FHIP2A: variants seen among roughly 807,000 people sequenced by gnomAD.
The protein encoded by FHIP2A is FHF complex subunit HOOK interacting protein 2A, also known as family with sequence similarity 160 member B1.
Under a neutral mutation model 93.5 loss-of-function variants are expected in FHIP2A, and 46 were observed. That is an observed-to-expected ratio of 0.49 (90% CI 0.39 to 0.63). The LOEUF (loss-of-function observed/expected upper bound fraction) is 0.63, where lower values mean the gene tolerates loss of function less well. FHIP2A is among the 20% of genes least tolerant of loss of function. The pLI is 0.00. For missense variants in FHIP2A, 769 were observed against 909.7 expected (o/e 0.85, Z 1.99); for synonymous variants, 332 against 326.5 (o/e 1.02, Z -0.18).
chr10:114,870,816 C>T (rs1411306507), intron 16 of FHIP2A, among the ~76,000 whole-genome samples: 1 of 152,112 alleles, frequency 6.6e-6, no homozygotes, highest in Non-Finnish European at 1.5e-5. Flanking sequence ...ATCCACTCCT[C>T]TATGTACTGC....
At chr10:114,889,766 G>T (rs181147606) in intron 16 of FHIP2A, among the ~76,000 whole-genome samples, 1 of 152,202 alleles carries the variant, frequency 6.6e-6, no homozygotes, top group Admixed American at 6.5e-5. Flanking sequence ...GCTGAAGGGC[G>T]TGTCCTTTGG....
At chr10:114,858,709 C>G (rs559713907) in intron 14 of FHIP2A, among the ~76,000 whole-genome samples, 30 of 151,214 alleles carry the variant, frequency 2.0e-4, no homozygotes, top group Middle Eastern at 3.4e-3. Flanking sequence ...GAAGGCTATT[C>G]TGTTGCAAAT....
At position 114,846,824 on chromosome 10, in the gene FHIP2A, C is replaced by A. The variant is rs373662864; in HGVS notation, c.1568+96C>A. On this transcript the variant is annotated intron_variant, in intron 11 of 16. Transcript: ENST00000369248. ...ACCTCCCTTATCCTCAAAAGAAATA[C>A]CTCTTACAGTTTAAAAGTTCTTAAA... The A allele has an allele frequency of 6.8e-5, 79 of 1,165,604 alleles. No homozygotes were observed. The East Asian group carries it at 1.4e-3, about 21-fold the overall frequency. The allele number at this position is 1,165,604 out of a possible 1,614,324, so 72.2% of individuals were successfully genotyped here. A position where few individuals can be genotyped will look rare whatever the true frequency, so the allele number is the denominator to read the frequency against.
chr10:114,895,315 T>C (rs1476145654), intron 16 of FHIP2A, among the ~76,000 whole-genome samples: 1 of 152,242 alleles, frequency 6.6e-6, no homozygotes, highest in Non-Finnish European at 1.5e-5. Flanking sequence ...CAGAGAGTAC[T>C]GGTCCATAGA....
At chr10:114,825,414 T>C (rs1393738281) in intron 1 of FHIP2A, among the ~76,000 whole-genome samples, 3 of 152,224 alleles carry the variant, frequency 2.0e-5, no homozygotes, top group Non-Finnish European at 2.9e-5. Context: ...TAATGGTTTC[T>C]CCTCACTCCC....
chr10:114,886,673 T>C (rs2143015669), intron 16 of FHIP2A, among the ~76,000 whole-genome samples: 1 of 152,288 alleles, frequency 6.6e-6, no homozygotes, highest in East Asian at 1.9e-4. Flanking sequence ...GCCTCCCAAG[T>C]AGTTGGGATT....
intron 16 of FHIP2A, among the ~76,000 whole-genome samples, chr10:114,875,330 G>A (rs1434242082): frequency 6.6e-6 from 1 of 152,118 alleles, no homozygotes; most frequent in Non-Finnish European, 1.5e-5. Context: ...GATCTGTGAG[G>A]GAGGAGAAAA....
chr10:114,829,661 C>T (rs960700502), intron 1 of FHIP2A, among the ~76,000 whole-genome samples: 1 of 152,156 alleles, frequency 6.6e-6, no homozygotes, highest in Non-Finnish European at 1.5e-5. Flanking sequence ...GAATGCCTAA[C>T]CTCCTGGGAA....
chr10:114,890,184 C>T (rs1450703736), intron 16 of FHIP2A, among the ~76,000 whole-genome samples: 3 of 152,034 alleles, frequency 2.0e-5, no homozygotes, highest in Non-Finnish European at 2.9e-5. Flanking sequence ...CCCACCACAA[C>T]GCCTGGCTAA....
At chr10:114,861,050 A>G (rs922072998) in intron 15 of FHIP2A, among the ~76,000 whole-genome samples, 161 bp downstream of exon 15, 6 of 152,250 alleles carry the variant, frequency 3.9e-5, no homozygotes, top group African/African-American at 1.4e-4. Flanking sequence ...ATTATTTTAA[A>G]TAATATGTAA....
chr10:114,863,613 C>G lies in FHIP2A; in HGVS notation c.*2073C>G, dbSNP rs1342942354. On this transcript the variant is annotated 3_prime_UTR_variant, in exon 17 of 17. Coordinates refer to ENST00000369248, the MANE Select transcript of FHIP2A (RefSeq NM_020940.4). ...TAAGATTTCATTTGTTTCTAAGTTT[C>G]TGTTTTTCATCCCTTCTTTTTTCTT... The G allele has an allele frequency of 2.4e-6, 3 of 1,272,056 alleles. No individual in the cohort carries two copies. Among genetic ancestry groups the G allele is most frequent in the Non-Finnish European group, 3.1e-6 (3 of 980,264 alleles). The allele number at this position is 1,272,056 out of a possible 1,614,324, so 78.8% of individuals were successfully genotyped here.
At chr10:114,885,357 T>A (rs1245691608) in intron 16 of FHIP2A, among the ~76,000 whole-genome samples, 1 of 149,466 alleles carries the variant, frequency 6.7e-6, no homozygotes, top group Non-Finnish European at 1.5e-5. Flanking sequence ...ATCATGCCAT[T>A]GCACTCCAGC....
At chr10:114,823,422 A>G (rs2083552429) in intron 1 of FHIP2A, among the ~76,000 whole-genome samples, 1 of 152,176 alleles carries the variant, frequency 6.6e-6, no homozygotes, top group African/African-American at 2.4e-5. Context: ...AAAGAATTTA[A>G]CTGCAGTTTA....
At chr10:114,842,383 T>A (rs2083674044) in intron 5 of FHIP2A, among the ~76,000 whole-genome samples, 1 of 151,948 alleles carries the variant, frequency 6.6e-6, no homozygotes, top group Non-Finnish European at 1.5e-5. Flanking sequence ...TCTTATAGAG[T>A]AGAGGTTTAA....
chr10:114,827,940 T>C (rs1049630623), intron 1 of FHIP2A, among the ~76,000 whole-genome samples: 19 of 152,122 alleles, frequency 1.2e-4, no homozygotes, highest in African/African-American at 4.6e-4. Flanking sequence ...ATTGCATGAA[T>C]TTTTTAAAAT....
intron 14 of FHIP2A, among the ~76,000 whole-genome samples, chr10:114,860,226 A>AT (rs1398873238): frequency 2.0e-5 from 3 of 152,162 alleles, no homozygotes; most frequent in Non-Finnish European, 4.4e-5. Context: ...ATGTTTATAT[A>AT]TTTTTTAAAT....
intron 16 of FHIP2A, among the ~76,000 whole-genome samples, chr10:114,895,128 TAGAA>T (rs1474451392): frequency 1.3e-5 from 2 of 152,330 alleles, no homozygotes; most frequent in African/African-American, 4.8e-5. Flanking sequence ...TTGGGTTTGT[TAGAA>T]AGATTTTCAT....
chr10:114,885,104 A>C (rs2083935919), intron 16 of FHIP2A, among the ~76,000 whole-genome samples: 2 of 151,808 alleles, frequency 1.3e-5, no homozygotes, highest in South Asian at 4.2e-4. Context: ...TATTTTTAAA[A>C]GGTGACCCGG....
chr10:114,847,611 T>G (rs979662311), intron 12 of FHIP2A, among the ~76,000 whole-genome samples: 1 of 152,152 alleles, frequency 6.6e-6, no homozygotes, highest in African/African-American at 2.4e-5. Flanking sequence ...ATGAACTTGA[T>G]CTTCTTTAAA....
Sources: allele counts gnomAD v4.1 joint callset (sites outside exome capture counted in the v4.1 genomes callset), GRCh38; gene constraint gnomAD v4.1.1; transcripts MANE v1.5; gene names NCBI Gene and HGNC (gene_info 2026-07-23, HGNC 2026-07-21).